FCN1: variants seen among roughly 807,000 people sequenced by gnomAD.
FCN1 encodes ficolin-1.
In FCN1, 42 loss-of-function variants were observed where a neutral mutation model predicts 35.6. That is an observed-to-expected ratio of 1.18 (90% CI 0.92 to 1.53). The LOEUF (loss-of-function observed/expected upper bound fraction) is 1.53. Ranked by LOEUF, FCN1 falls within the 40% of genes most tolerant of loss-of-function variation. The pLI, the probability that FCN1 is intolerant of heterozygous loss-of-function variation, is 0.00. For missense variants in FCN1, 439 were observed against 428.4 expected, an observed-to-expected ratio of 1.02 and a Z score of -0.22; for synonymous variants, 179 against 169.8, an observed-to-expected ratio of 1.05 and a Z score of -0.42.
chr9:134,910,087 C>A (rs997523749), intron 8 of FCN1, 42 bp from the exon 9 acceptor site: 2 of 1,579,216 alleles, frequency 1.3e-6, no homozygotes, highest in South Asian at 1.1e-5. Flanking sequence ...CTGGAAAAAG[C>A]CCTGCCACTG....
rs1830950170 is a variant in FCN1 at position 134,905,915 on chromosome 9, TTCTTCTTCTC to T, written c.*3873_*3882del. On this transcript the variant is annotated 3_prime_UTR_variant, in exon 9 of 9. Transcript: ENST00000371806. ...CTTCTTCTTCTTCTTCTTCTTCTTC[TTCTTCTTCTC>T]CCTCTCCCTCTCCCTCTCCCTCTCC... is the stretch of plus-strand genomic sequence containing the variant. 9.4e-6 allele frequency: 1 copy of T among 105,938 alleles called. No individual in the cohort carries two copies. The highest frequency in any genetic ancestry group is 2.8e-4 in the South Asian group (1 of 3,538). The allele number at this position is 105,938 out of a possible 1,614,324, so 6.6% of individuals were successfully genotyped here.
intron 4 of FCN1, 26 bp from the exon 5 acceptor site, chr9:134,913,639 C>A: frequency 6.3e-7 from 1 of 1,587,074 alleles, no homozygotes; most frequent in African/African-American, 1.3e-5. Flanking sequence ...AGACACTTGT[C>A]ATAAGCTTGA....
rs369329673 is a variant in FCN1, at chr9:134,911,166, G to A, written c.700C>T (p.Leu234=). The change falls in exon 8 of 9, where the codon CTG becomes TTG. Residue 234 remains leucine (L), a synonymous_variant. Coordinates refer to ENST00000371806, the MANE Select transcript of FCN1 (RefSeq NM_002003.5). ...KVADEAEKYK[L]VLGAFVGGSA... Reference sequence around the variant, plus strand: ...CCCCCGACAAAGGCTCCCAGTACCAGCTTGTACTTCTCTGCCTCGTCAGCC... The same window carrying A: ...CCCCCGACAAAGGCTCCCAGTACCAACTTGTACTTCTCTGCCTCGTCAGCC... The A allele has an allele frequency of 6.2e-7, 1 of 1,614,124 alleles. No individual in the cohort carries two copies. Among genetic ancestry groups the A allele is most frequent in the Non-Finnish European group, 8.5e-7 (1 of 1,180,024 alleles).
Position 134,906,525 on chromosome 9 carries a change from AAAATCTAATAATTTAACTTAAATCTTAAG to A in FCN1, c.*3244_*3272del, listed in dbSNP as rs1160700665. Reference sequence around the variant, plus strand: ...CCTCCTTAGCACTAATTAATCTTTAAAAATCTAATAATTTAACTTAAATCTTAAGAAATCTAATAATTTAACTTAGAAAT... The same window carrying A: ...CCTCCTTAGCACTAATTAATCTTTAAAAATCTAATAATTTAACTTAGAAAT... On this transcript the variant is annotated 3_prime_UTR_variant, in exon 9 of 9. Coordinates refer to ENST00000371806, the MANE Select transcript of FCN1 (RefSeq NM_002003.5). 1 of 152,204 alleles carries A rather than the reference AAAATCTAATAATTTAACTTAAATCTTAAG, an allele frequency of 6.6e-6. No individual in the cohort carries two copies. Among genetic ancestry groups the A allele is most frequent in the Non-Finnish European group, 1.5e-5 (1 of 68,032 alleles). 9.4% of individuals were successfully genotyped at this position (152,204 alleles called of 1,614,324 possible).
intron 2 of FCN1, 77 bp downstream of exon 2, chr9:134,916,271 A>G: frequency 8.7e-7 from 1 of 1,152,592 alleles, no homozygotes; most frequent in African/African-American, 1.5e-5. Flanking sequence ...GTGTTGCCCA[A>G]CTCTGCATCC....
chr9:134,912,343 C>T, intron 7 of FCN1, 143 bp downstream of exon 7: 1 of 824,734 alleles, frequency 1.2e-6, no homozygotes. Flanking sequence ...GGACGCAGCC[C>T]TTAGAGGTCC....
intron 5 of FCN1, 131 bp from the exon 6 acceptor site, chr9:134,913,274 G>T: frequency 7.9e-7 from 1 of 1,270,504 alleles, no homozygotes; most frequent in Non-Finnish European, 1.1e-6. Context: ...TCCGAGGCCT[G>T]GACAGGGACA....
rs1334829513 is a variant in FCN1 at position 134,904,967 on chromosome 9, T to C, written c.*4831A>G. ...CTAATAGCCATTTCTTGCAGGACTT[T>C]AAATAAATGTATCATAGCATGGCGG... is the stretch of plus-strand genomic sequence containing the variant. On this transcript the variant is annotated 3_prime_UTR_variant, in exon 9 of 9. Transcript: ENST00000371806. 6.6e-6 allele frequency among the ~76,000 whole-genome samples: 1 copy of C among 152,114 alleles called. No individual in the cohort carries two copies. The highest frequency in any genetic ancestry group is 1.5e-5 in the Non-Finnish European group (1 of 68,020).
Position 134,909,587 on chromosome 9 carries a change from T to C in FCN1, c.*211A>G. 6.7e-7 allele frequency: 1 copy of C among 1,489,480 alleles called. No homozygotes were observed. The highest frequency in any genetic ancestry group is 9.0e-7 in the Non-Finnish European group (1 of 1,116,334). The allele number at this position is 1,489,480 out of a possible 1,614,324, so 92.3% of individuals were successfully genotyped here. A position where few individuals can be genotyped will look rare whatever the true frequency, so the allele number is the denominator to read the frequency against. On this transcript the variant is annotated 3_prime_UTR_variant, in exon 9 of 9. Coordinates refer to ENST00000371806, the MANE Select transcript of FCN1 (RefSeq NM_002003.5). Reference sequence around the variant, plus strand: ...AACACACATTGAAACTGGTAAAACTTTTCTGTCCCAAAGTAAACATATTTA... The same window carrying C: ...AACACACATTGAAACTGGTAAAACTCTTCTGTCCCAAAGTAAACATATTTA...
chr9:134,916,389 G>GC lies in FCN1; in HGVS notation c.175dup (p.Ala59GlyfsTer89), dbSNP rs1364063204. On this transcript the variant is annotated frameshift_variant, in exon 2 of 9. Transcript: ENST00000371806. LOFTEE classifies it high-confidence loss of function. ...ACCTGCCTCTCCCTTTGGCCCTGGG[G>GC]CCCCGGGCAGCCCCGGGCAGCCTCG... is the stretch of plus-strand genomic sequence containing the variant. The GC allele has an allele frequency of 6.2e-7, 1 of 1,614,054 alleles. No individual in the cohort carries two copies. Among genetic ancestry groups the GC allele is most frequent in the East Asian group, 2.2e-5 (1 of 44,860 alleles).
chr9:134,910,865 A>T (rs2274846), intron 8 of FCN1, among the ~76,000 whole-genome samples: 103,375 of 152,158 alleles, frequency 0.68, 36,246 homozygotes, highest in African/African-American at 0.86. Flanking sequence ...GAAAAGGACG[A>T]CGTCTTCCAG....
At position 134,903,788 on chromosome 9, in the gene FCN1, A is replaced by T. The variant is rs78496899; in HGVS notation, c.*6010T>A. ...CTGACTGGTGTGTTGAAGAAAATGG[A>T]AGATGGTGAAAAAAATAGGTGAAAA... On this transcript the variant is annotated 3_prime_UTR_variant, in exon 9 of 9. Transcript: ENST00000371806. Among the ~76,000 whole-genome samples the T allele has an allele frequency of 0.037, 5,560 of 152,288 alleles. 332 individuals are homozygous for T. The highest frequency in any genetic ancestry group is 0.12 in the African/African-American group (5,179 of 41,530).
chr9:134,912,877 C>T (rs1013247712), intron 6 of FCN1, 139 bp downstream of exon 6: 28 of 1,420,254 alleles, frequency 2.0e-5, no homozygotes, highest in Non-Finnish European at 2.5e-5. Context: ...GGACTTTTAC[C>T]CACGGGTCAC....
At position 134,905,919 on chromosome 9, in the gene FCN1, T is replaced by TCTCCTTCTC. The variant is rs1554734214; in HGVS notation, c.*3878_*3879insGAGAAGGAG. ...TTCTTCTTCTTCTTCTTCTTCTTCT[T>TCTCCTTCTC]CTTCTCCCTCTCCCTCTCCCTCTCC... On this transcript the variant is annotated 3_prime_UTR_variant, in exon 9 of 9. Coordinates refer to ENST00000371806, the MANE Select transcript of FCN1 (RefSeq NM_002003.5). 1 of 71,192 alleles carries TCTCCTTCTC rather than the reference T, an allele frequency of 1.4e-5. No homozygotes were observed. Among genetic ancestry groups the TCTCCTTCTC allele is most frequent in the Non-Finnish European group, 2.3e-5 (1 of 43,384 alleles). The allele number at this position is 71,192 out of a possible 1,614,324, so 4.4% of individuals were successfully genotyped here. A position where few individuals can be genotyped will look rare whatever the true frequency, so the allele number is the denominator to read the frequency against.
At chr9:134,911,709 C>T (rs893755958) in intron 7 of FCN1, among the ~76,000 whole-genome samples, 7 of 152,064 alleles carry the variant, frequency 4.6e-5, no homozygotes, top group Non-Finnish European at 5.9e-5. Context: ...AAAAATCAAC[C>T]GGAAATGTCA....
Position 134,916,478 on chromosome 9 carries a change from G to A in FCN1, c.104-17C>T, listed in dbSNP as rs373212176. Reference sequence around the variant, plus strand: ...CCTTCACCTCTGCAGAGAAACACAGGTGCCCACTCAGTGCCTGGCCCAACA... The same window carrying A: ...CCTTCACCTCTGCAGAGAAACACAGATGCCCACTCAGTGCCTGGCCCAACA... On this transcript the variant is annotated splice_polypyrimidine_tract_variant and intron_variant, in intron 1 of 8. Transcript: ENST00000371806. The A allele has an allele frequency of 2.7e-5, 43 of 1,610,936 alleles. No homozygotes were observed. In the African/African-American group the frequency reaches 5.2e-4, roughly 20 times the overall value.
At chr9:134,911,330 T>G in intron 7 of FCN1, 63 bp from the exon 8 acceptor site, 1 of 1,407,592 alleles carries the variant, frequency 7.1e-7, no homozygotes, top group Non-Finnish European at 9.8e-7. Context: ...GCATGAGGGC[T>G]GGGGATGGGT....
intron 2 of FCN1, among the ~76,000 whole-genome samples, chr9:134,915,298 C>T (rs1428648021): frequency 6.6e-6 from 1 of 152,168 alleles, no homozygotes; most frequent in Non-Finnish European, 1.5e-5. Context: ...CAGCGCTCCA[C>T]GTGGTTCTGG....
rs570086836 is a variant in FCN1, at chr9:134,904,202, C to T, written c.*5596G>A. Among the ~76,000 whole-genome samples the T allele has an allele frequency of 6.6e-6, 1 of 152,248 alleles. No individual in the cohort carries two copies. Among genetic ancestry groups the T allele is most frequent in the Non-Finnish European group, 1.5e-5 (1 of 68,014 alleles). On this transcript the variant is annotated 3_prime_UTR_variant, in exon 9 of 9. Coordinates refer to ENST00000371806, the MANE Select transcript of FCN1 (RefSeq NM_002003.5). The stretch of plus-strand genomic sequence containing the variant: ...AAATTCAGAGAAAGTCTCATCCAGG[C>T]ACCTTGTAGTAAAACTATCAAGGCA...
Sources: gnomAD v4.1 joint callset for allele counts (sites outside exome capture counted in the v4.1 genomes callset) on GRCh38, gnomAD v4.1.1 for gene constraint, MANE v1.5 for transcripts, NCBI Gene and HGNC (gene_info 2026-07-23, HGNC 2026-07-21) for gene names.